CLSTN2: variants seen among roughly 807,000 people sequenced by gnomAD.
CLSTN2 encodes the protein calsyntenin 2.
CLSTN2 carries 48 observed loss-of-function variants against 101.2 expected under a neutral mutation model. The ratio of observed to expected loss-of-function variants is 0.47; its 90% CI spans 0.38 to 0.60. The LOEUF is 0.60. Among genes scored for constraint, CLSTN2 ranks in the 20% least tolerant of loss-of-function variants. The pLI is 0.00. For missense variants in CLSTN2, 1,160 were observed against 1,238.2 expected (o/e 0.94, Z 0.95); for synonymous variants, 481 against 463.6 (o/e 1.04, Z -0.48).
chr3:140,477,326 A>G (rs1200167599), intron 8 of CLSTN2, among the ~76,000 whole-genome samples: 7 of 152,242 alleles, frequency 4.6e-5, no homozygotes, highest in African/African-American at 1.4e-4. Flanking sequence ...GCAAGGTCTC[A>G]TTATGAAGCA....
intron 2 of CLSTN2, among the ~76,000 whole-genome samples, chr3:140,339,181 A>C (rs1215607062): frequency 1.3e-5 from 2 of 152,194 alleles, no homozygotes; most frequent in Non-Finnish European, 2.9e-5. Flanking sequence ...TGTACCATAA[A>C]GGGTTAGATC....
At chr3:140,369,450 C>T (rs965121335) in intron 2 of CLSTN2, among the ~76,000 whole-genome samples, 1 of 152,208 alleles carries the variant, frequency 6.6e-6, no homozygotes, top group Non-Finnish European at 1.5e-5. Context: ...CTGGGATCAG[C>T]ATAAACTTAC....
At position 140,067,862 on chromosome 3, in the gene CLSTN2, T is replaced by TA. The variant is rs372875302; in HGVS notation, c.110-108081dup. On this transcript the variant is annotated intron_variant, in intron 1 of 16. Coordinates refer to ENST00000458420, the MANE Select transcript of CLSTN2 (RefSeq NM_022131.3). ...ATCCTGCTGCCTTCCTAAAAAGGAC[T>TA]AAAAAAAAGTAGTAATGTGCATTAG... 1.4e-3 allele frequency among the ~76,000 whole-genome samples: 206 copies of TA among 152,154 alleles called. 1 individual carries two copies. Among genetic ancestry groups the TA allele is most frequent in the African/African-American group, 4.8e-3 (198 of 41,532 alleles).
At chr3:140,498,039 C>T (rs559418448) in intron 8 of CLSTN2, among the ~76,000 whole-genome samples, 6 of 152,138 alleles carry the variant, frequency 3.9e-5, no homozygotes, top group Non-Finnish European at 7.3e-5. Context: ...ATGCGAGAAC[C>T]TAGATATTTC....
At chr3:140,550,721 C>A (rs1192105007) in intron 10 of CLSTN2, among the ~76,000 whole-genome samples, 1 of 151,412 alleles carries the variant, frequency 6.6e-6, no homozygotes, top group African/African-American at 2.4e-5. Flanking sequence ...TTTCTAGAGT[C>A]ATCATAGCCT....
At chr3:140,264,121 G>C (rs2086675684) in intron 2 of CLSTN2, among the ~76,000 whole-genome samples, 1 of 151,892 alleles carries the variant, frequency 6.6e-6, no homozygotes, top group South Asian at 2.1e-4. Context: ...CTGGCTTTTT[G>C]TTTCCATCTC....
chr3:140,531,637 G>A (rs1935256858), intron 8 of CLSTN2, among the ~76,000 whole-genome samples: 1 of 152,136 alleles, frequency 6.6e-6, no homozygotes, highest in Admixed American at 6.5e-5. Context: ...ATAGGACCGG[G>A]GGTGGCATCG....
rs1387176813 is a variant in CLSTN2 at position 139,935,687 on chromosome 3, C to G, written c.109+204C>G. On this transcript the variant is annotated intron_variant, in intron 1 of 16. Coordinates refer to ENST00000458420, the MANE Select transcript of CLSTN2 (RefSeq NM_022131.3). The surrounding 1 kb of genome is among the most constrained non-coding windows in gnomAD (Gnocchi z 5.5). ...CCACCCGCGGACGTCAACTCAACCCCTGGGCGGGGTCCGGGGGCTGAGCAG... is the reference window on the plus strand; with the variant it reads ...CCACCCGCGGACGTCAACTCAACCCGTGGGCGGGGTCCGGGGGCTGAGCAG... Among the ~76,000 whole-genome samples, 1 of 152,176 alleles carries G rather than the reference C, an allele frequency of 6.6e-6. No homozygotes were observed. The highest frequency in any genetic ancestry group is 1.9e-4 in the East Asian group (1 of 5,160).
At chr3:140,202,463 T>C (rs182053258) in intron 2 of CLSTN2, among the ~76,000 whole-genome samples, 1 of 152,194 alleles carries the variant, frequency 6.6e-6, no homozygotes, top group Non-Finnish European at 1.5e-5. Context: ...AGGATGGAGG[T>C]GTCATTGCTG....
intron 2 of CLSTN2, among the ~76,000 whole-genome samples, chr3:140,208,745 A>G (rs1222446078): frequency 6.6e-6 from 1 of 151,864 alleles, no homozygotes; most frequent in African/African-American, 2.4e-5. Flanking sequence ...TTTTTAGTTC[A>G]TTCTCTGGGT....
chr3:140,557,982 A>G (rs1345094042), intron 11 of CLSTN2, among the ~76,000 whole-genome samples: 2 of 152,248 alleles, frequency 1.3e-5, no homozygotes, highest in African/African-American at 4.8e-5. Context: ...TCCACTGTAT[A>G]GATGAAGAAA....
intron 8 of CLSTN2, among the ~76,000 whole-genome samples, chr3:140,512,656 A>C (rs1054294609): frequency 2.8e-4 from 43 of 152,200 alleles, no homozygotes; most frequent in African/African-American, 1.0e-3. Flanking sequence ...GAAGAATGTC[A>C]ATGGTAGTTT....
intron 2 of CLSTN2, among the ~76,000 whole-genome samples, chr3:140,344,834 C>A (rs953836542): frequency 1.3e-5 from 2 of 152,208 alleles, no homozygotes; most frequent in Non-Finnish European, 2.9e-5. Context: ...GCATGCAGCA[C>A]AGTGCTTAGA....
At position 140,571,050 on chromosome 3, in the gene CLSTN2, C is replaced by G. The variant is rs759617219; in HGVS notation, c.*4797C>G. The G allele has an allele frequency of 2.6e-5, 4 of 152,234 alleles. No individual in the cohort carries two copies. The highest frequency in any genetic ancestry group is 9.6e-5 in the African/African-American group (4 of 41,460). 9.4% of individuals were successfully genotyped at this position (152,234 alleles called of 1,614,324 possible). ...ACAGATATTCCACGAGAGTTGAAAG[C>G]CTTGGATCGAGGTGATTGCCTGGTT... On this transcript the variant is annotated 3_prime_UTR_variant, in exon 17 of 17. Coordinates refer to ENST00000458420, the MANE Select transcript of CLSTN2 (RefSeq NM_022131.3).
chr3:140,503,501 G>C (rs1360941816), intron 8 of CLSTN2, among the ~76,000 whole-genome samples: 1 of 152,170 alleles, frequency 6.6e-6, no homozygotes, highest in African/African-American at 2.4e-5. Flanking sequence ...GTCTAGGTTT[G>C]TGTGAGTGCA....
chr3:140,273,426 T>C (rs1201147716), intron 2 of CLSTN2, among the ~76,000 whole-genome samples: 1 of 152,188 alleles, frequency 6.6e-6, no homozygotes, highest in Non-Finnish European at 1.5e-5. Context: ...GCTTTTCCCA[T>C]GTTCAGTTGC....
At chr3:140,334,947 G>A (rs1197342517) in intron 2 of CLSTN2, among the ~76,000 whole-genome samples, 2 of 152,196 alleles carry the variant, frequency 1.3e-5, no homozygotes, top group East Asian at 3.9e-4. Flanking sequence ...GCTCCCTCTT[G>A]GACAGGCAAA....
intron 1 of CLSTN2, among the ~76,000 whole-genome samples, chr3:140,061,393 C>T (rs1442160986): frequency 6.6e-6 from 1 of 152,184 alleles, no homozygotes; most frequent in Non-Finnish European, 1.5e-5. Context: ...TCTCAATTTG[C>T]CCACCCCTTT....
intron 1 of CLSTN2, among the ~76,000 whole-genome samples, chr3:139,957,608 A>C (rs1159439925): frequency 6.6e-6 from 1 of 152,010 alleles, no homozygotes; most frequent in Non-Finnish European, 1.5e-5. Context: ...CTAATTATTG[A>C]CTGGCTGAAT....
Sources: allele counts gnomAD v4.1 joint callset (sites outside exome capture counted in the v4.1 genomes callset), GRCh38; gene constraint gnomAD v4.1.1; non-coding constraint Gnocchi (gnomAD v3.1); transcripts MANE v1.5; gene names NCBI Gene and HGNC (gene_info 2026-07-23, HGNC 2026-07-21).